Variants in STXBP5L observed in about 807,000 individuals in gnomAD.
STXBP5L encodes syntaxin binding protein 5L, also known as syntaxin-binding protein 5-like.
In STXBP5L, 65 loss-of-function variants were observed where a neutral mutation model predicts 144.5. The ratio of observed to expected loss-of-function variants is 0.45; its 90% CI spans 0.37 to 0.55. The LOEUF (loss-of-function observed/expected upper bound fraction) is 0.55. Among genes scored for constraint, STXBP5L ranks in the 20% least tolerant of loss-of-function variants. STXBP5L has a pLI of 0.00. For synonymous variants in STXBP5L, 505 were observed against 469.6 expected (o/e 1.08, Z -0.97); for missense variants, 1,298 against 1,405.5 (o/e 0.92, Z 1.22).
intron 3 of STXBP5L, among the ~76,000 whole-genome samples, chr3:121,033,804 GTTATAA>G (rs1011202140): frequency 2.0e-5 from 3 of 151,754 alleles, no homozygotes; most frequent in Non-Finnish European, 4.4e-5. Flanking sequence ...GTGAACATTT[GTTATAA>G]TTATATAAAC....
intron 5 of STXBP5L, among the ~76,000 whole-genome samples, chr3:121,055,940 A>T (rs1208782912): frequency 6.8e-6 from 1 of 147,788 alleles, no homozygotes; most frequent in Admixed American, 6.8e-5. Flanking sequence ...CAATCCTCCC[A>T]CCTTAGCCTC....
At chr3:121,279,635 G>A in intron 18 of STXBP5L, among the ~76,000 whole-genome samples, 170 bp from the exon 19 acceptor site, 1 of 151,836 alleles carries the variant, frequency 6.6e-6, no homozygotes, top group South Asian at 2.1e-4. Flanking sequence ...ATTATACGAA[G>A]ACAGTTTATC....
chr3:120,986,578 T>C (rs1418002495), intron 3 of STXBP5L, among the ~76,000 whole-genome samples: 1 of 151,994 alleles, frequency 6.6e-6, no homozygotes, highest in African/African-American at 2.4e-5. Context: ...TGAAACATTT[T>C]GTTAATATGT....
intron 5 of STXBP5L, among the ~76,000 whole-genome samples, chr3:121,093,860 T>C (rs1576930848): frequency 2.6e-5 from 4 of 152,346 alleles, no homozygotes; most frequent in Admixed American, 2.6e-4. Context: ...TTAATTGTGA[T>C]GTTAGGGTGT....
chr3:121,178,662 C>G (rs2047025633), intron 9 of STXBP5L, among the ~76,000 whole-genome samples: 1 of 152,016 alleles, frequency 6.6e-6, no homozygotes, highest in South Asian at 2.1e-4. Flanking sequence ...TCTGAAAATC[C>G]AGATCACAGG....
chr3:120,922,693 A>G (rs1009659890), intron 2 of STXBP5L, among the ~76,000 whole-genome samples: 1 of 151,886 alleles, frequency 6.6e-6, no homozygotes, highest in Non-Finnish European at 1.5e-5. Context: ...ATTTTATCAA[A>G]TTCTTTTTCT....
At chr3:121,399,801 A>C (rs558298912) in intron 22 of STXBP5L, among the ~76,000 whole-genome samples, 1 of 152,334 alleles carries the variant, frequency 6.6e-6, no homozygotes, top group East Asian at 1.9e-4. Flanking sequence ...AACATGTCAC[A>C]GTGCTGCAGA....
At chr3:121,021,094 A>G (rs1005043209) in intron 3 of STXBP5L, among the ~76,000 whole-genome samples, 1 of 151,810 alleles carries the variant, frequency 6.6e-6, no homozygotes, top group Non-Finnish European at 1.5e-5. Context: ...ATGCAACTGG[A>G]CACCAGAAGC....
intron 5 of STXBP5L, among the ~76,000 whole-genome samples, chr3:121,052,109 A>G (rs1948055208): frequency 6.6e-6 from 1 of 152,216 alleles, no homozygotes; most frequent in Non-Finnish European, 1.5e-5. Flanking sequence ...AACCAAAAAC[A>G]GTCCAGGACC....
At chr3:120,954,516 T>C (rs1937808420) in intron 2 of STXBP5L, among the ~76,000 whole-genome samples, 1 of 152,128 alleles carries the variant, frequency 6.6e-6, no homozygotes, top group Non-Finnish European at 1.5e-5. Flanking sequence ...TAGTATTCCA[T>C]TGTATGATTA....
rs1308882031 is a variant in STXBP5L, at chr3:120,956,085, A to T, written c.287+1048A>T. 3.3e-5 allele frequency among the ~76,000 whole-genome samples: 5 copies of T among 152,064 alleles called. No homozygotes were observed. In the East Asian group the frequency reaches 7.7e-4, roughly 23 times the overall value. On this transcript the variant is annotated intron_variant, in intron 3 of 26. Transcript: ENST00000471454. ...TTCTGGTTTTTGGCTATTCTTACTAAACAACTATGATCATCTGTGTACATA... is the reference window on the plus strand; with the variant it reads ...TTCTGGTTTTTGGCTATTCTTACTATACAACTATGATCATCTGTGTACATA...
At chr3:120,965,682 G>A (rs1244241455) in intron 3 of STXBP5L, among the ~76,000 whole-genome samples, 1 of 152,130 alleles carries the variant, frequency 6.6e-6, no homozygotes, top group Non-Finnish European at 1.5e-5. Context: ...TGGGTAACTT[G>A]ACCTTTCTCT....
intron 20 of STXBP5L, among the ~76,000 whole-genome samples, chr3:121,346,343 C>G (rs557460184): frequency 1.3e-5 from 2 of 152,114 alleles, no homozygotes; most frequent in African/African-American, 4.8e-5. Flanking sequence ...TCTTAATCCA[C>G]TCTATCACTG....
rs538120466 is a variant in STXBP5L, at chr3:121,242,051, CAAGAATT to C, written c.1400+1548_1400+1554del. ...TCCTATAACCAATGAAAATATCCTT[CAAGAATT>C]AAGGCAAAATCAAGATCAAAATCTA... On this transcript the variant is annotated intron_variant, in intron 14 of 26. Transcript: ENST00000471454. Among the ~76,000 whole-genome samples, 508 of 152,186 alleles carry C rather than the reference CAAGAATT, an allele frequency of 3.3e-3. 3 individuals are homozygous for C. Among genetic ancestry groups the C allele is most frequent in the African/African-American group, 0.011 (471 of 41,542 alleles).
intron 2 of STXBP5L, among the ~76,000 whole-genome samples, chr3:120,948,012 T>C (rs1576464716): frequency 6.6e-6 from 1 of 151,826 alleles, no homozygotes; most frequent in Non-Finnish European, 1.5e-5. Context: ...TTTCATATAT[T>C]GAGGAACTAC....
chr3:121,252,320 C>G (rs2050053395), intron 15 of STXBP5L, among the ~76,000 whole-genome samples: 1 of 151,170 alleles, frequency 6.6e-6, no homozygotes, highest in Admixed American at 6.6e-5. Context: ...GAGCCGAGAT[C>G]ACACCACTGC....
At chr3:121,114,902 A>T (rs1416081295) in intron 5 of STXBP5L, 23 bp from the exon 6 acceptor site, 6 of 1,435,014 alleles carry the variant, frequency 4.2e-6, no homozygotes, top group Non-Finnish European at 5.6e-6. Context: ...TAGATATTTT[A>T]ATTATAATTT....
At chr3:121,013,580 A>G (rs755972309) in intron 3 of STXBP5L, among the ~76,000 whole-genome samples, 1 of 151,828 alleles carries the variant, frequency 6.6e-6, no homozygotes, top group Non-Finnish European at 1.5e-5. Flanking sequence ...CCTTTGTTGG[A>G]TGCCTGGTTT....
intron 20 of STXBP5L, among the ~76,000 whole-genome samples, chr3:121,355,837 G>A (rs752581821): frequency 1.5e-4 from 23 of 152,108 alleles, no homozygotes; most frequent in Non-Finnish European, 2.9e-4. Flanking sequence ...ATCTACCTTT[G>A]GTCTTTGATG....
Sources: allele counts gnomAD v4.1 joint callset (sites outside exome capture counted in the v4.1 genomes callset), GRCh38; gene constraint gnomAD v4.1.1; transcripts MANE v1.5; gene names NCBI Gene and HGNC (gene_info 2026-07-23, HGNC 2026-07-21).